Variants in MOCOS observed in about 807,000 individuals in gnomAD.
MOCOS encodes molybdenum cofactor sulfurase.
A neutral mutation model predicts 83.6 loss-of-function variants in MOCOS; 86 were observed. That is an observed-to-expected ratio of 1.03 (90% CI 0.86 to 1.23). The LOEUF (loss-of-function observed/expected upper bound fraction) is 1.23, where lower values mean the gene tolerates loss of function less well. MOCOS is among the 50% of genes most tolerant of loss of function. MOCOS has a pLI of 0.00. For synonymous variants in MOCOS, 445 were observed against 434.7 expected, an observed-to-expected ratio of 1.02 and a Z score of -0.29; for missense variants, 1,120 against 1,126.9, an observed-to-expected ratio of 0.99 and a Z score of 0.09.
At chr18:36,198,887 T>A (rs1018122395) in intron 3 of MOCOS, 131 bp downstream of exon 3, 2 of 916,946 alleles carry the variant, frequency 2.2e-6, no homozygotes, top group African/African-American at 1.6e-5. Context: ...AGGCAATGCA[T>A]GTATGTTGAG....
At chr18:36,221,832 T>C (rs1598880811) in intron 9 of MOCOS, among the ~76,000 whole-genome samples, 1 of 152,100 alleles carries the variant, frequency 6.6e-6, no homozygotes, top group Non-Finnish European at 1.5e-5. Flanking sequence ...GTTCAGCGAT[T>C]CTTGTGCTTC....
At chr18:36,249,282 A>G (rs886438779) in intron 10 of MOCOS, among the ~76,000 whole-genome samples, 3 of 151,962 alleles carry the variant, frequency 2.0e-5, no homozygotes, top group Non-Finnish European at 4.4e-5. Context: ...TGTCAGTTTC[A>G]TCTCCAACAG....
At chr18:36,233,803 T>G (rs1004281396) in intron 9 of MOCOS, among the ~76,000 whole-genome samples, 3 of 152,260 alleles carry the variant, frequency 2.0e-5, no homozygotes, top group Admixed American at 1.3e-4. Flanking sequence ...ATGAGCATTT[T>G]CTCATGTTTG....
chr18:36,219,282 G>A (rs761690569), intron 8 of MOCOS, among the ~76,000 whole-genome samples: 2 of 151,892 alleles, frequency 1.3e-5, no homozygotes, highest in Non-Finnish European at 2.9e-5. Flanking sequence ...CCGCTTCCTA[G>A]GTTCAAGCAA....
intron 12 of MOCOS, among the ~76,000 whole-genome samples, chr18:36,257,516 C>T (rs1224675406): frequency 6.6e-6 from 1 of 152,068 alleles, no homozygotes; most frequent in Non-Finnish European, 1.5e-5. Context: ...ATTGCAGGCA[C>T]ACTTTATTTG....
intron 1 of MOCOS, among the ~76,000 whole-genome samples, chr18:36,194,968 T>C (rs1468532024): frequency 1.3e-5 from 2 of 152,216 alleles, no homozygotes; most frequent in Non-Finnish European, 2.9e-5. Context: ...CCATCATTCA[T>C]CACGAATGTC....
intron 13 of MOCOS, among the ~76,000 whole-genome samples, chr18:36,262,249 C>CAACACACACACACACACACACACACA (rs2091665943): frequency 4.8e-4 from 1 of 2,086 alleles, no homozygotes; most frequent in Non-Finnish European, 1.1e-3. Flanking sequence ...TCGTCTCTCT[C>CAACACACACACACACACACACACACA]TACACACACA....
intron 7 of MOCOS, among the ~76,000 whole-genome samples, chr18:36,214,031 C>T (rs1228813558): frequency 6.6e-6 from 1 of 151,840 alleles, no homozygotes; most frequent in Non-Finnish European, 1.5e-5. Context: ...CACCTGAGGT[C>T]AGGAGTTCAT....
rs1294772959 is a variant in MOCOS, at chr18:36,259,448, C to G, written c.2271-589C>G. On this transcript the variant is annotated intron_variant, in intron 12 of 14. Transcript: ENST00000261326. Reference sequence around the variant, plus strand: ...TGGGTGACAGAGCAAGACCTTGTCTCAAAAAAAAAAAAAAAAAAGGTATCA... The same window carrying G: ...TGGGTGACAGAGCAAGACCTTGTCTGAAAAAAAAAAAAAAAAAAGGTATCA... 4.3e-5 allele frequency among the ~76,000 whole-genome samples: 4 copies of G among 92,448 alleles called. No homozygotes were observed. In the East Asian group the frequency reaches 1.4e-3, roughly 32 times the overall value. 60.6% of individuals were successfully genotyped at this position (92,448 alleles called of 152,430 possible). A position where few individuals can be genotyped will look rare whatever the true frequency, so the allele number is the denominator to read the frequency against.
At position 36,251,228 on chromosome 18, in the gene MOCOS, T is replaced by C. The variant is rs763942193; in HGVS notation, c.2109T>C (p.His703=). The C allele has an allele frequency of 3.8e-5, 62 of 1,613,952 alleles. No individual in the cohort carries two copies. The highest frequency in any genetic ancestry group is 5.0e-5 in the Non-Finnish European group (59 of 1,179,898). The change falls in exon 11 of 15, where the codon CAT becomes CAC. Residue 703 remains histidine, a synonymous_variant. Transcript: ENST00000261326. ...WLSTFFGRPC[H]LIKQSSNSQR... The stretch of plus-strand genomic sequence containing the variant: ...CAACATTTTTTGGCCGTCCTTGTCA[T>C]TTGATCAAACAAAGTTCAAACTCTC...
Position 36,254,456 on chromosome 18 carries a change from CTCTG to C in MOCOS, c.2165-2510_2165-2507del, listed in dbSNP as rs1391457383. Among the ~76,000 whole-genome samples the C allele has an allele frequency of 7.1e-3, 642 of 90,112 alleles. 4 individuals are homozygous for C. The highest frequency in any genetic ancestry group is 0.029 in the African/African-American group (577 of 19,958). 59.1% of individuals were successfully genotyped at this position (90,112 alleles called of 152,430 possible). On this transcript the variant is annotated intron_variant, in intron 11 of 14. Coordinates refer to ENST00000261326, the MANE Select transcript of MOCOS (RefSeq NM_017947.4). The stretch of plus-strand genomic sequence containing the variant: ...GAGTATTCATTACAAAATACATTAT[CTCTG>C]TGTGTGTGTGTGTGTGTGTGTGTGT...
At position 36,191,032 on chromosome 18, in the gene MOCOS, G is replaced by GAAAAAAAA. The variant is rs1246789036; in HGVS notation, c.142+3356_142+3357insAAAAAAAA. On this transcript the variant is annotated intron_variant, in intron 1 of 14. Coordinates refer to ENST00000261326, the MANE Select transcript of MOCOS (RefSeq NM_017947.4). The stretch of plus-strand genomic sequence containing the variant: ...AGACCCTATCTCTCAAAAAAAAAAA[G>GAAAAAAAA]AAAAAGAAAAAAAAGTGTGTAGCAC... 7.5e-3 allele frequency among the ~76,000 whole-genome samples: 953 copies of GAAAAAAAA among 126,778 alleles called. 64 individuals carry two copies. Among genetic ancestry groups the GAAAAAAAA allele is most frequent in the Middle Eastern group, 0.017 (4 of 234 alleles). 83.2% of individuals were successfully genotyped at this position (126,778 alleles called of 152,430 possible).
chr18:36,222,516 A>G (rs1450046461), intron 9 of MOCOS, among the ~76,000 whole-genome samples: 1 of 151,680 alleles, frequency 6.6e-6, no homozygotes, highest in Non-Finnish European at 1.5e-5. Context: ...TTTTCCATAT[A>G]CCCATTGACC....
intron 1 of MOCOS, among the ~76,000 whole-genome samples, chr18:36,188,782 G>C (rs376816120): frequency 5.7e-5 from 8 of 141,126 alleles, no homozygotes; most frequent in African/African-American, 1.7e-4. Flanking sequence ...CCTCCTGTGT[G>C]TCTCCTCTGG....
chr18:36,191,389 A>C (rs1433479887), intron 1 of MOCOS, among the ~76,000 whole-genome samples: 1 of 152,212 alleles, frequency 6.6e-6, no homozygotes, highest in Non-Finnish European at 1.5e-5. Flanking sequence ...CCTCAGAGTC[A>C]ATTGCTGTCA....
At position 36,207,377 on chromosome 18, in the gene MOCOS, CTG is replaced by C. The variant is rs2091438676; in HGVS notation, c.1218+2103_1218+2104del. 2.0e-5 allele frequency among the ~76,000 whole-genome samples: 3 copies of C among 152,146 alleles called. No individual in the cohort carries two copies. The South Asian group carries it at 6.2e-4, about 32-fold the overall frequency. On this transcript the variant is annotated intron_variant, in intron 6 of 14. Transcript: ENST00000261326. ...TTAAATTCTTTTAGAAATCTCCAAA[CTG>C]TTTTCCACAGTGGCTAAGCTAATTT... is the stretch of plus-strand genomic sequence containing the variant.
At chr18:36,218,398 G>C (rs1434670431) in intron 8 of MOCOS, among the ~76,000 whole-genome samples, 2 of 151,784 alleles carry the variant, frequency 1.3e-5, no homozygotes, top group South Asian at 2.1e-4. Flanking sequence ...TATCTTCCGG[G>C]TCTTCGAAAA....
intron 6 of MOCOS, 145 bp from the exon 7 acceptor site, chr18:36,213,221 C>T (rs976200929): frequency 2.8e-6 from 2 of 721,808 alleles, no homozygotes; most frequent in Non-Finnish European, 2.5e-6. Context: ...AACGTTTAAC[C>T]TGTGATAAAT....
At chr18:36,226,271 G>A (rs2091515025) in intron 9 of MOCOS, among the ~76,000 whole-genome samples, 1 of 152,002 alleles carries the variant, frequency 6.6e-6, no homozygotes, top group Admixed American at 6.5e-5. Context: ...ATCATAAAAT[G>A]TCCTTCTTTA....
Sources: allele counts gnomAD v4.1 joint callset (sites outside exome capture counted in the v4.1 genomes callset), GRCh38; gene constraint gnomAD v4.1.1; transcripts MANE v1.5; gene names NCBI Gene and HGNC (gene_info 2026-07-23, HGNC 2026-07-21).